The following TIMM44 variants were observed in gnomAD, a reference collection of about 807,000 sequenced individuals.
The protein encoded by TIMM44 is mitochondrial import inner membrane translocase subunit TIM44.
A neutral mutation model predicts 63.8 loss-of-function variants in TIMM44; 37 were observed. The observed-to-expected ratio is 0.58, with a 90% CI of 0.45 to 0.76. TIMM44 has a LOEUF of 0.76. TIMM44 is among the 30% of genes least tolerant of loss of function. The probability of loss-of-function intolerance (pLI) is 0.00; values close to 1 mark genes in which losing one functional copy is unlikely to be tolerated. For synonymous variants in TIMM44, 239 were observed against 245.1 expected, an observed-to-expected ratio of 0.98 and a Z score of 0.23; for missense variants, 573 against 603.8, an observed-to-expected ratio of 0.95 and a Z score of 0.54.
chr19:7,937,885 G>T, intron 3 of TIMM44, 142 bp downstream of exon 3: 1 of 965,986 alleles, frequency 1.0e-6, no homozygotes, highest in South Asian at 1.3e-5. Context: ...GGGCGTGGTG[G>T]TGCGCGCCTG....
chr19:7,941,243 G>C, intron 1 of TIMM44, 46 bp from the exon 2 acceptor site: 1 of 1,450,334 alleles, frequency 6.9e-7, no homozygotes. Flanking sequence ...ACAAGAGGTT[G>C]ACTGAGAAGT....
chr19:7,935,910 T>C (rs1389351090), intron 3 of TIMM44, among the ~76,000 whole-genome samples: 1 of 152,186 alleles, frequency 6.6e-6, no homozygotes, highest in African/African-American at 2.4e-5. Context: ...TCCCAGCTCT[T>C]TGGGAAGCTG....
In TIMM44 at chr19:7,928,213, C is replaced by T. The variant is rs1983873158; in HGVS notation, c.1039-47G>A. ...CCTGCGTGATGCCACCCAGGGTGGG[C>T]ACCACGCCACACAGAGCTGCTGCCC... On this transcript the variant is annotated intron_variant, in intron 10 of 12. Transcript: ENST00000270538. The T allele has an allele frequency of 2.0e-6, 3 of 1,503,580 alleles. No individual in the cohort carries two copies. The East Asian group carries it at 7.0e-5, about 35-fold the overall frequency. The allele number at this position is 1,503,580 out of a possible 1,614,324, so 93.1% of individuals were successfully genotyped here. A position where few individuals can be genotyped will look rare whatever the true frequency, so the allele number is the denominator to read the frequency against.
At position 7,933,873 on chromosome 19, in the gene TIMM44, T is replaced by C. The variant is rs1238568777; in HGVS notation, c.674A>G (p.Glu225Gly). 1.9e-6 allele frequency: 3 copies of C among 1,614,002 alleles called. No homozygotes were observed. Among genetic ancestry groups the C allele is most frequent in the Non-Finnish European group, 2.5e-6 (3 of 1,180,016 alleles). The stretch of plus-strand genomic sequence containing the variant: ...ACGGGCTGGTACCTACTCGTTTGGC[T>C]CAAACACTTTCTCCTCCTTGAACTT... The part of the protein sequence containing the change: ...GDKFKEEKVF[E>G]PNEEALGVVL... Residue 225 changes from glutamate to glycine, a missense_variant, in exon 6 of 13, where the codon GAG becomes GGG. Transcript: ENST00000270538. The surrounding 1 kb of genome is among the most constrained non-coding windows in gnomAD (Gnocchi z 4.3).
intron 1 of TIMM44, among the ~76,000 whole-genome samples, chr19:7,942,439 G>A (rs753228627): frequency 3.3e-4 from 47 of 143,664 alleles, no homozygotes; most frequent in Non-Finnish European, 5.4e-4. Context: ...AAAATTGGGG[G>A]AAAAAAAAAA....
At position 7,937,935 on chromosome 19, in the gene TIMM44, T is replaced by C; in HGVS notation, c.312+92A>G. On this transcript the variant is annotated intron_variant, in intron 3 of 12. Coordinates refer to ENST00000270538, the MANE Select transcript of TIMM44 (RefSeq NM_006351.4). The stretch of plus-strand genomic sequence containing the variant: ...CAGGAGGCTGAGGCAGGGGAATCAC[T>C]TGAACCTGGGAGGTGGAGGTTGCAG... 2.7e-6 allele frequency: 4 copies of C among 1,500,782 alleles called. No homozygotes were observed. In the South Asian group the frequency reaches 3.4e-5, roughly 13 times the overall value. 93.0% of individuals were successfully genotyped at this position (1,500,782 alleles called of 1,614,324 possible).
intron 2 of TIMM44, among the ~76,000 whole-genome samples, chr19:7,939,188 C>T (rs1984234533): frequency 2.0e-5 from 3 of 152,034 alleles, no homozygotes; most frequent in Admixed American, 6.6e-5. Context: ...GACAGATGCT[C>T]CACACTAATG....
At chr19:7,932,785 G>C (rs1478204702) in intron 8 of TIMM44, 34 bp from the exon 9 acceptor site, 2 of 1,613,992 alleles carry the variant, frequency 1.2e-6, no homozygotes, top group African/African-American at 2.7e-5. Flanking sequence ...TCGGGGGGAA[G>C]GCCGGGGACC....
chr19:7,940,440 G>A (rs1251863476), intron 2 of TIMM44, among the ~76,000 whole-genome samples: 1 of 152,044 alleles, frequency 6.6e-6, no homozygotes, highest in Non-Finnish European at 1.5e-5. Flanking sequence ...GTGTGTGGCG[G>A]GGGACTAGAC....
intron 2 of TIMM44, among the ~76,000 whole-genome samples, chr19:7,940,016 A>G (rs2145181247): frequency 6.6e-6 from 1 of 152,168 alleles, no homozygotes; most frequent in East Asian, 1.9e-4. Context: ...TGGGTATACC[A>G]GCTCCAGGTG....
At chr19:7,928,334 G>C in intron 10 of TIMM44, 168 bp from the exon 11 acceptor site, 1 of 612,650 alleles carries the variant, frequency 1.6e-6, no homozygotes, top group Admixed American at 2.7e-5. Flanking sequence ...CCCACTTACT[G>C]GCCCAGATCA....
rs189387628 is a variant in TIMM44 at position 7,933,372 on chromosome 19, G to C, written c.769+113C>G. Reference sequence around the variant, plus strand: ...GAAGTGACCGGCCCACTCTGACCCCGATCTCCTCCTCTGCAAAACGGGGCT... The same window carrying C: ...GAAGTGACCGGCCCACTCTGACCCCCATCTCCTCCTCTGCAAAACGGGGCT... On this transcript the variant is annotated intron_variant, in intron 7 of 12. Coordinates refer to ENST00000270538, the MANE Select transcript of TIMM44 (RefSeq NM_006351.4). This position sits in a 1 kb window ranked among gnomAD's most constrained non-coding sequence, Gnocchi z 4.3. 1.3e-3 allele frequency: 1,298 copies of C among 962,508 alleles called. 8 individuals are homozygous for C. Among genetic ancestry groups the C allele is most frequent in the Middle Eastern group, 2.1e-3 (10 of 4,802 alleles). The allele number at this position is 962,508 out of a possible 1,614,324, so 59.6% of individuals were successfully genotyped here.
chr19:7,941,299 C>G, intron 1 of TIMM44, 102 bp from the exon 2 acceptor site: 1 of 855,554 alleles, frequency 1.2e-6, no homozygotes. Flanking sequence ...AACTCACTGG[C>G]CATTTTTTTT....
chr19:7,935,167 C>CTTTTTTTTTT, intron 3 of TIMM44, 22 bp from the exon 4 acceptor site: 2 of 1,254,054 alleles, frequency 1.6e-6, no homozygotes, highest in South Asian at 1.4e-5. Context: ...GCGCTGTGTC[C>CTTTTTTTTTT]TTTTTTTTTT....
chr19:7,935,172 T>A, intron 3 of TIMM44, 27 bp from the exon 4 acceptor site: 1 of 1,499,282 alleles, frequency 6.7e-7, no homozygotes, highest in Non-Finnish European at 9.1e-7. Flanking sequence ...GTGTCCTTTT[T>A]TTTTTTTTTT....
intron 3 of TIMM44, among the ~76,000 whole-genome samples, chr19:7,935,595 C>T (rs139828452): frequency 5.1e-4 from 77 of 152,352 alleles, no homozygotes; most frequent in Admixed American, 1.9e-3. Context: ...CCTCCAGGGC[C>T]CCCGGCTGCC....
intron 10 of TIMM44, chr19:7,929,006 A>G (rs1393228338): frequency 1.3e-5 from 2 of 152,032 alleles, no homozygotes; most frequent in Non-Finnish European, 2.9e-5. Flanking sequence ...GGAGTATTTA[A>G]AAAGAAAATC....
chr19:7,931,040 G>C (rs112921981), intron 10 of TIMM44, 98 bp downstream of exon 10: 22 of 1,162,570 alleles, frequency 1.9e-5, no homozygotes, highest in African/African-American at 1.6e-4. Context: ...GGTCCTGCCT[G>C]TTGGGAGCTA....
Position 7,935,051 on chromosome 19 carries a change from C to A in TIMM44, c.393+14G>T, listed in dbSNP as rs938429592. 3.7e-6 allele frequency: 6 copies of A among 1,608,992 alleles called. No homozygotes were observed. In the African/African-American group the frequency reaches 6.7e-5, roughly 18 times the overall value. ...GATGGCCCCAGCGGCTCCAGGCGGG[C>A]GTGGAACTGTTACCTCCTTCACGGT... On this transcript the variant is annotated intron_variant, in intron 4 of 12. Transcript: ENST00000270538.
Sources: gnomAD v4.1 joint callset for allele counts (sites outside exome capture counted in the v4.1 genomes callset) on GRCh38, gnomAD v4.1.1 for gene constraint, Gnocchi (gnomAD v3.1) non-coding constraint, MANE v1.5 for transcripts, NCBI Gene and HGNC (gene_info 2026-07-23, HGNC 2026-07-21) for gene names.